The following CALHM4 variants were observed in gnomAD, a reference collection of about 807,000 sequenced individuals.
CALHM4 encodes the protein calcium homeostasis modulator protein 4.
CALHM4 carries 16 observed loss-of-function variants against 13.3 expected under a neutral mutation model. That is an observed-to-expected ratio of 1.20 (90% confidence interval 0.81 to 1.82). CALHM4 has a LOEUF of 1.82. Among genes scored for constraint, CALHM4 ranks in the 40% most tolerant of loss-of-function variants. The pLI, the probability that CALHM4 is intolerant of heterozygous loss-of-function variation, is 0.00. For missense variants in CALHM4, 344 were observed against 374.9 expected, an observed-to-expected ratio of 0.92 and a Z score of 0.68; for synonymous variants, 127 against 137.1, an observed-to-expected ratio of 0.93 and a Z score of 0.52.
intron 1 of CALHM4, among the ~76,000 whole-genome samples, chr6:116,538,222 A>G (rs1773214607): frequency 1.3e-5 from 2 of 152,228 alleles, no homozygotes; most frequent in East Asian, 3.8e-4. Context: ...CGCTAATAAT[A>G]GACAGTAAGA....
chr6:116,550,013 TATATATATATATACACACAC>T (rs1412271962), upstream of CALHM4, among the ~76,000 whole-genome samples: 165 of 69,492 alleles, frequency 2.4e-3, 1 homozygote, highest in Middle Eastern at 0.029. Context: ...TATATATATA[TATATATATATATACACACAC>T]ACACACACAC....
Position 116,540,486 on chromosome 6 carries a change from G to A in CALHM4, c.-108-3279G>A, listed in dbSNP as rs1048503008. On this transcript the variant is annotated intron_variant, in intron 1 of 2. Transcript: ENST00000368597. ...CCCTGTGGATGACGGAAAGAGTGTG[G>A]TCTGAAAATTCTAAGAAATTAGTGA... 5 of 1,545,032 alleles carry A rather than the reference G, an allele frequency of 3.2e-6. No individual in the cohort carries two copies. In the African/African-American group the frequency reaches 6.9e-5, roughly 21 times the overall value.
chr6:116,548,556 C>T (rs1773910855), intron 2 of CALHM4, among the ~76,000 whole-genome samples: 1 of 152,202 alleles, frequency 6.6e-6, no homozygotes, highest in East Asian at 1.9e-4. Flanking sequence ...GTTTTCTAAT[C>T]AATCTATGCT....
intron 1 of CALHM4, among the ~76,000 whole-genome samples, chr6:116,533,364 A>C (rs1772860034): frequency 6.6e-6 from 1 of 152,210 alleles, no homozygotes; most frequent in African/African-American, 2.4e-5. Flanking sequence ...AAGTTTGCAC[A>C]CTGAAAATTG....
chr6:116,542,991 T>G (rs1392411790), intron 1 of CALHM4, among the ~76,000 whole-genome samples: 1 of 152,166 alleles, frequency 6.6e-6, no homozygotes, highest in Non-Finnish European at 1.5e-5. Flanking sequence ...TTCCCTCATG[T>G]TGTTAATAGA....
intron 2 of CALHM4, chr6:116,545,333 T>C (rs1384585699): frequency 3.2e-5 from 19 of 594,580 alleles, no homozygotes; most frequent in Non-Finnish European, 5.5e-5. Context: ...CCTAGATGTG[T>C]CATTTATGAT....
chr6:116,546,953 G>A (rs537082159), intron 2 of CALHM4, among the ~76,000 whole-genome samples: 11 of 152,208 alleles, frequency 7.2e-5, no homozygotes, highest in East Asian at 5.8e-4. Context: ...CATGGTTTTC[G>A]TTCTCTTCAT....
Position 116,559,330 on chromosome 6 carries a change from C to G in CALHM4, c.*1119C>G, listed in dbSNP as rs2115306231. Among the ~76,000 whole-genome samples, 1 of 152,268 alleles carries G rather than the reference C, an allele frequency of 6.6e-6. No homozygotes were observed. Among genetic ancestry groups the G allele is most frequent in the South Asian group, 2.1e-4 (1 of 4,830 alleles). On this transcript the variant is annotated 3_prime_UTR_variant, in exon 2 of 2. Transcript: ENST00000368596. ...AAACAATGCTTACTGGACAGTGGAC[C>G]AACTGCCAATAGTCAATCCAATTTT...
intron 1 of CALHM4, among the ~76,000 whole-genome samples, chr6:116,531,193 C>T (rs1772698633): frequency 6.6e-6 from 1 of 151,886 alleles, no homozygotes; most frequent in Admixed American, 6.6e-5. Context: ...CTCTACTTAA[C>T]ACAGGGCTAG....
intron 1 of CALHM4, among the ~76,000 whole-genome samples, chr6:116,537,742 C>T (rs1026268690): frequency 2.0e-4 from 31 of 152,178 alleles, no homozygotes; most frequent in African/African-American, 7.2e-4. Context: ...AGAAAAGCAA[C>T]TTCCTAAGGG....
chr6:116,535,857 C>G (rs1773045939), intron 1 of CALHM4, among the ~76,000 whole-genome samples: 1 of 152,120 alleles, frequency 6.6e-6, no homozygotes, highest in Admixed American at 6.5e-5. Context: ...GAATTAAATT[C>G]TAAGCTGGCT....
At position 116,530,902 on chromosome 6, in the gene CALHM4, C is replaced by CATATAT. The variant is rs10557481; in HGVS notation, c.-109+1749_-109+1754dup. Among the ~76,000 whole-genome samples the CATATAT allele has an allele frequency of 1.4e-3, 108 of 76,468 alleles. 1 individual carries two copies. The highest frequency in any genetic ancestry group is 1.7e-3 in the Non-Finnish European group (72 of 41,652). 50.2% of individuals were successfully genotyped at this position (76,468 alleles called of 152,430 possible). A position where few individuals can be genotyped will look rare whatever the true frequency, so the allele number is the denominator to read the frequency against. ...GAAGGTTCATAGATAAAGTGAGACT[C>CATATAT]ATATATATATATATATATATATATA... is the stretch of plus-strand genomic sequence containing the variant. On this transcript the variant is annotated intron_variant, in intron 1 of 2. Coordinates refer to the CALHM4 transcript ENST00000368597.
chr6:116,540,544 TTTAGC>T, intron 1 of CALHM4: 1 of 1,373,886 alleles, frequency 7.3e-7, no homozygotes. Context: ...GATTTGTGTG[TTTAGC>T]ACTTGTGCAA....
Position 116,557,920 on chromosome 6 carries a change from T to A in CALHM4, c.654T>A (p.His218Gln). 2 of 1,614,162 alleles carry A rather than the reference T, an allele frequency of 1.2e-6. No individual in the cohort carries two copies. Among genetic ancestry groups the A allele is most frequent in the Non-Finnish European group, 8.5e-7 (1 of 1,180,010 alleles). The change falls in exon 2 of 2, where the codon CAT becomes CAA. Residue 218 changes from histidine (H) to glutamine (Q), a missense_variant. His to Gln is a conservative substitution (Grantham distance 24, BLOSUM62 0). Coordinates refer to ENST00000368596, the MANE Select transcript of CALHM4 (RefSeq NM_001366078.2). Reference protein sequence around the residue: ...KCCSPLTSLQHCYWTSHLQNE... With the variant: ...KCCSPLTSLQQCYWTSHLQNE... ...GCTCTCCCCTCACCTCTCTGCAACATTGCTACTGGACCAGCCACCTCCAGA... is the reference window on the plus strand; with the variant it reads ...GCTCTCCCCTCACCTCTCTGCAACAATGCTACTGGACCAGCCACCTCCAGA...
rs530840089 is a variant in CALHM4 at position 116,548,112 on chromosome 6, C to G, written c.-1+4240C>G. On this transcript the variant is annotated intron_variant, in intron 2 of 2. Transcript: ENST00000368597. ...ATTGTGGTAGTTTTAAGAGTTGGGG[C>G]CTTTGGGGAAGCGATTAGGTCATGA... is the stretch of plus-strand genomic sequence containing the variant. Among the ~76,000 whole-genome samples the G allele has an allele frequency of 7.2e-5, 11 of 152,182 alleles. No individual in the cohort carries two copies. In the East Asian group the frequency reaches 2.1e-3, roughly 29 times the overall value.
At chr6:116,549,310 AAAAAT>A (rs1156589655), upstream of CALHM4, among the ~76,000 whole-genome samples, 1 of 152,200 alleles carries the variant, frequency 6.6e-6, no homozygotes, top group African/African-American at 2.4e-5. Context: ...TGTAAAAAAT[AAAAAT>A]AAAAGTATAA....
chr6:116,550,025 T>TATATATATATAC (rs765467696), upstream of CALHM4, among the ~76,000 whole-genome samples: 2 of 96,342 alleles, frequency 2.1e-5, no homozygotes, highest in African/African-American at 8.1e-5. Context: ...TATATATATA[T>TATATATATATAC]ACACACACAC....
At chr6:116,546,658 C>G (rs1773796588) in intron 2 of CALHM4, among the ~76,000 whole-genome samples, 1 of 152,108 alleles carries the variant, frequency 6.6e-6, no homozygotes, top group Non-Finnish European at 1.5e-5. Context: ...AAAATGGCAA[C>G]AATATCACTC....
upstream of CALHM4, among the ~76,000 whole-genome samples, chr6:116,551,762 G>A (rs1774090444): frequency 6.6e-6 from 1 of 152,146 alleles, no homozygotes; most frequent in Non-Finnish European, 1.5e-5. Context: ...TATGGCAGAT[G>A]TATGGCTACC....
Sources: gnomAD v4.1 joint callset for allele counts (sites outside exome capture counted in the v4.1 genomes callset) on GRCh38, gnomAD v4.1.1 for gene constraint, MANE v1.5 for transcripts, NCBI Gene and HGNC (gene_info 2026-07-23, HGNC 2026-07-21) for gene names.